SRBD1: variants seen among roughly 807,000 people sequenced by gnomAD.
The protein encoded by SRBD1 is S1 RNA binding domain 1.
A neutral mutation model predicts 115.3 loss-of-function variants in SRBD1; 88 were observed. The ratio of observed to expected loss-of-function variants is 0.76; its 90% CI spans 0.64 to 0.91. SRBD1 has a LOEUF of 0.91. Among genes scored for constraint, SRBD1 ranks in the 40% least tolerant of loss-of-function variants. The probability of loss-of-function intolerance (pLI) is 0.00; values close to 1 mark genes in which losing one functional copy is unlikely to be tolerated. For missense variants in SRBD1, 1,385 were observed against 1,177.4 expected (o/e 1.18, Z -2.58); for synonymous variants, 509 against 407.7 (o/e 1.25, Z -2.99).
chr2:45,395,131 C>CCT (rs1667107747), intron 19 of SRBD1, among the ~76,000 whole-genome samples: 2 of 152,210 alleles, frequency 1.3e-5, no homozygotes, highest in Non-Finnish European at 2.9e-5. Context: ...GAGCAGGCTT[C>CCT]CCTGGTATTC....
chr2:45,473,336 A>C (rs1313196107), intron 16 of SRBD1, among the ~76,000 whole-genome samples: 1 of 152,150 alleles, frequency 6.6e-6, no homozygotes, highest in African/African-American at 2.4e-5. Flanking sequence ...CCCATGTTGA[A>C]CTGATCTGAT....
At position 45,505,939 on chromosome 2, in the gene SRBD1, T is replaced by C. The variant is rs572886794; in HGVS notation, c.1875-17608A>G. Among the ~76,000 whole-genome samples the C allele has an allele frequency of 1.5e-4, 23 of 152,290 alleles. 1 individual carries two copies. Among genetic ancestry groups the C allele is most frequent in the African/African-American group, 4.6e-4 (19 of 41,560 alleles). ...TGGTTTTCCCAATAATAAGAAAGCTTTGGAGGCTTTTAAAAGTTGTTTGTG... is the reference window on the plus strand; with the variant it reads ...TGGTTTTCCCAATAATAAGAAAGCTCTGGAGGCTTTTAAAAGTTGTTTGTG... On this transcript the variant is annotated intron_variant, in intron 14 of 20. Coordinates refer to ENST00000263736, the MANE Select transcript of SRBD1 (RefSeq NM_018079.5).
chr2:45,486,463 C>G (rs1048656168), intron 15 of SRBD1, among the ~76,000 whole-genome samples: 3 of 152,068 alleles, frequency 2.0e-5, no homozygotes, highest in African/African-American at 7.2e-5. Context: ...TGCGGTGGCT[C>G]ACGCCTGTAA....
intron 16 of SRBD1, among the ~76,000 whole-genome samples, chr2:45,426,708 C>G (rs576373385): frequency 1.3e-5 from 2 of 152,296 alleles, no homozygotes; most frequent in African/African-American, 2.4e-5. Context: ...CCCAGGCAAA[C>G]AGGGTCTGGA....
chr2:45,501,371 C>A, intron 14 of SRBD1, among the ~76,000 whole-genome samples: 1 of 152,298 alleles, frequency 6.6e-6, no homozygotes, highest in East Asian at 1.9e-4. Flanking sequence ...CAGCTCCCTG[C>A]GTGAGCGACA....
chr2:45,505,117 C>G (rs1670759078), intron 14 of SRBD1, among the ~76,000 whole-genome samples: 1 of 152,140 alleles, frequency 6.6e-6, no homozygotes, highest in African/African-American at 2.4e-5. Context: ...ACCACTTCAG[C>G]AACTCATCCA....
intron 10 of SRBD1, among the ~76,000 whole-genome samples, chr2:45,560,326 C>T (rs1007368473): frequency 5.9e-5 from 9 of 152,106 alleles, no homozygotes; most frequent in Non-Finnish European, 1.3e-4. Context: ...TCTTTAACTA[C>T]TGAGGACTGA....
intron 14 of SRBD1, among the ~76,000 whole-genome samples, chr2:45,531,861 A>C (rs1282919630): frequency 6.6e-6 from 1 of 151,802 alleles, no homozygotes; most frequent in Non-Finnish European, 1.5e-5. Context: ...CATATGACTC[A>C]ATAAAGAATA....
chr2:45,413,053 C>A, intron 19 of SRBD1, 61 bp downstream of exon 19: 1 of 1,519,578 alleles, frequency 6.6e-7, no homozygotes, highest in Non-Finnish European at 8.8e-7. Flanking sequence ...AAAACAAAGG[C>A]CATTTGCTGT....
intron 15 of SRBD1, among the ~76,000 whole-genome samples, chr2:45,483,173 C>T (rs996545254): frequency 1.3e-5 from 2 of 151,876 alleles, no homozygotes; most frequent in Non-Finnish European, 2.9e-5. Flanking sequence ...CTAGACAGAC[C>T]ACTGAAACAA....
chr2:45,435,849 A>G (rs7566461), intron 16 of SRBD1, among the ~76,000 whole-genome samples: 3,802 of 152,334 alleles, frequency 0.025, 92 homozygotes, highest in Middle Eastern at 0.065. Context: ...AAGAAATTAT[A>G]CCAATTCTCT....
At position 45,576,872 on chromosome 2, in the gene SRBD1, C is replaced by T. The variant is rs556704953; in HGVS notation, c.1073-2149G>A. ...TTATAGACTTTGCAATAAGAAAGGGCCTTTGAAAATCCCCCATCATAAGAG... is the reference window on the plus strand; with the variant it reads ...TTATAGACTTTGCAATAAGAAAGGGTCTTTGAAAATCCCCCATCATAAGAG... On this transcript the variant is annotated intron_variant, in intron 7 of 20. Transcript: ENST00000263736. Among the ~76,000 whole-genome samples, 26 of 152,202 alleles carry T rather than the reference C, an allele frequency of 1.7e-4. 1 individual carries two copies. The South Asian group carries it at 5.4e-3, about 32-fold the overall frequency.
chr2:45,414,556 T>C (rs569976456), intron 18 of SRBD1, among the ~76,000 whole-genome samples: 40 of 150,092 alleles, frequency 2.7e-4, no homozygotes, highest in African/African-American at 9.8e-4. Flanking sequence ...GTGTCTGTAG[T>C]GTGTGTACAC....
At chr2:45,577,396 C>T (rs963197205) in intron 7 of SRBD1, among the ~76,000 whole-genome samples, 8 of 152,168 alleles carry the variant, frequency 5.3e-5, no homozygotes, top group African/African-American at 1.9e-4. Flanking sequence ...AAATCATATC[C>T]TTTGCCTTAC....
chr2:45,437,589 A>G (rs56410672), intron 16 of SRBD1, among the ~76,000 whole-genome samples: 8,389 of 152,206 alleles, frequency 0.055, 716 homozygotes, highest in African/African-American at 0.18. Flanking sequence ...TAAGACAGAC[A>G]TGGTGGTACA....
At chr2:45,410,060 A>C (rs1001515796) in intron 19 of SRBD1, among the ~76,000 whole-genome samples, 1 of 152,210 alleles carries the variant, frequency 6.6e-6, no homozygotes, top group African/African-American at 2.4e-5. Flanking sequence ...CTCAATAATA[A>C]AAGGGCAAAT....
chr2:45,610,248 T>C (rs1386810744), intron 1 of SRBD1, among the ~76,000 whole-genome samples: 2 of 152,166 alleles, frequency 1.3e-5, no homozygotes, highest in East Asian at 3.8e-4. Flanking sequence ...CAAAAGGACG[T>C]GCACACTAAC....
chr2:45,451,080 G>C (rs1668977717), intron 16 of SRBD1, among the ~76,000 whole-genome samples: 1 of 152,110 alleles, frequency 6.6e-6, no homozygotes, highest in South Asian at 2.1e-4. Context: ...TGCAAATAAT[G>C]TCTTGAAAGG....
At chr2:45,437,002 A>C (rs898575698) in intron 16 of SRBD1, among the ~76,000 whole-genome samples, 1 of 152,206 alleles carries the variant, frequency 6.6e-6, no homozygotes, top group Admixed American at 6.5e-5. Flanking sequence ...TAAAATTAAA[A>C]ACACAGTACA....
Sources: gnomAD v4.1 joint callset for allele counts (sites outside exome capture counted in the v4.1 genomes callset) on GRCh38, gnomAD v4.1.1 for gene constraint, MANE v1.5 for transcripts, NCBI Gene and HGNC (gene_info 2026-07-23, HGNC 2026-07-21) for gene names.